The following LRCH2 variants were observed in gnomAD, a reference collection of about 807,000 sequenced individuals.
LRCH2 encodes leucine rich repeats and calponin homology domain containing 2, also known as leucine-rich repeat and calponin homology domain-containing protein 2.
In LRCH2, 38 loss-of-function variants were observed where a neutral mutation model predicts 68.9. The observed-to-expected ratio is 0.55, with a 90% CI of 0.43 to 0.72. LRCH2 has a LOEUF of 0.72. Ranked by LOEUF, LRCH2 falls within the 30% of genes least tolerant of loss-of-function variation. The pLI, the probability that LRCH2 is intolerant of heterozygous loss-of-function variation, is 0.00. For synonymous variants in LRCH2, 191 were observed against 208.1 expected (o/e 0.92, Z 0.71); for missense variants, 528 against 572.9 (o/e 0.92, Z 0.80).
chrX:115,195,233 G>A (rs993557464), intron 1 of LRCH2, among the ~76,000 whole-genome samples: 27 of 108,522 alleles, frequency 2.5e-4, no homozygotes, highest in Admixed American at 1.9e-3. Context: ...GCAGTGAGCC[G>A]AGATCGTGCC....
chrX:115,170,154 G>T, intron 6 of LRCH2, 145 bp downstream of exon 6: 1 of 456,477 alleles, frequency 2.2e-6, no homozygotes, highest in Non-Finnish European at 3.3e-6. Flanking sequence ...ATTCTATGAT[G>T]GTGATATGTA....
intron 1 of LRCH2, among the ~76,000 whole-genome samples, chrX:115,223,444 ATTT>A (rs1202226845): frequency 8.7e-4 from 33 of 38,099 alleles, no homozygotes; most frequent in African/African-American, 1.9e-3. Flanking sequence ...TGAATATAGA[ATTT>A]TTTTTTTAAA....
At chrX:115,225,264 C>T (rs1327767714) in intron 1 of LRCH2, among the ~76,000 whole-genome samples, 1 of 111,330 alleles carries the variant, frequency 9.0e-6, no homozygotes, top group African/African-American at 3.3e-5. Context: ...CTACGGCTAG[C>T]CTTGGAGGAG....
intron 14 of LRCH2, 122 bp downstream of exon 14, chrX:115,149,700 GAAATC>G: frequency 2.3e-6 from 1 of 425,673 alleles, no homozygotes; most frequent in Non-Finnish European, 4.0e-6. Flanking sequence ...ATATATGTGA[GAAATC>G]AAAATAACAC....
chrX:115,133,500 T>C (rs1556530977), intron 14 of LRCH2, among the ~76,000 whole-genome samples: 1 of 112,158 alleles, frequency 8.9e-6, no homozygotes, highest in Admixed American at 9.5e-5. Flanking sequence ...AGTTTCAAAA[T>C]GTGCAGAAAA....
intron 6 of LRCH2, among the ~76,000 whole-genome samples, chrX:115,166,765 T>C (rs1556545254): frequency 9.0e-6 from 1 of 110,814 alleles, no homozygotes; most frequent in Non-Finnish European, 1.9e-5. Context: ...ATAATGCCCA[T>C]CTAATAAAGA....
rs782632821 is a variant in LRCH2 at position 115,190,030 on chromosome X, C to T, written c.350-1660G>A. 172 of 1,156,596 alleles carry T rather than the reference C, an allele frequency of 1.5e-4. No homozygotes were observed. The African/African-American group carries it at 1.7e-3, about 12-fold the overall frequency. ...AGATGGCTACTCAGGCTTGCAGCCA[C>T]GGCGCTGGGCCGGCCCACCCCACAA... On this transcript the variant is annotated intron_variant, in intron 1 of 20. Coordinates refer to ENST00000317135, the MANE Select transcript of LRCH2 (RefSeq NM_020871.4).
chrX:115,175,572 G>A (rs183385246), intron 5 of LRCH2, among the ~76,000 whole-genome samples: 8 of 111,998 alleles, frequency 7.1e-5, no homozygotes, highest in African/African-American at 2.6e-4. Flanking sequence ...GAATTGAATC[G>A]AAGCATAAAG....
At position 115,156,812 on chromosome X, in the gene LRCH2, C is replaced by T. The variant is rs183833631; in HGVS notation, c.1464-145G>A. On this transcript the variant is annotated intron_variant, in intron 11 of 20. Coordinates refer to ENST00000317135, the MANE Select transcript of LRCH2 (RefSeq NM_020871.4). ...ATTTAAATATTATTTAGATCAGATGCCCATAAGTGTACTATTTTATAACAA... is the reference window on the plus strand; with the variant it reads ...ATTTAAATATTATTTAGATCAGATGTCCATAAGTGTACTATTTTATAACAA... The T allele has an allele frequency of 6.1e-4, 212 of 345,338 alleles. 2 individuals carry two copies. The East Asian group carries it at 0.01, about 17-fold the overall frequency. 28.5% of individuals were successfully genotyped at this position (345,338 alleles called of 1,213,427 possible). A position where few individuals can be genotyped will look rare whatever the true frequency, so the allele number is the denominator to read the frequency against.
chrX:115,175,908 G>A (rs1192653224), intron 5 of LRCH2, among the ~76,000 whole-genome samples: 3 of 111,907 alleles, frequency 2.7e-5, no homozygotes, highest in Admixed American at 9.5e-5. Context: ...CCTGAGGAGG[G>A]GGTCATGGGA....
At chrX:115,222,404 A>C (rs1294875158) in intron 1 of LRCH2, among the ~76,000 whole-genome samples, 2 of 112,079 alleles carry the variant, frequency 1.8e-5, no homozygotes, top group Non-Finnish European at 3.8e-5. Context: ...AGAAGTTCTA[A>C]CGGGGACAAT....
At chrX:115,141,637 G>GGGTGGATCACTTGAGGTC (rs2072339677) in intron 14 of LRCH2, among the ~76,000 whole-genome samples, 1 of 109,848 alleles carries the variant, frequency 9.1e-6, no homozygotes, top group Admixed American at 9.8e-5. Context: ...AGGCCGAGGG[G>GGGTGGATCACTTGAGGTC]GGTGGATCAC....
In LRCH2 at chrX:115,113,299, G is replaced by T; in HGVS notation, c.2215C>A (p.Arg739=). The T allele has an allele frequency of 8.4e-7, 1 of 1,194,156 alleles. No homozygotes were observed. Among genetic ancestry groups the T allele is most frequent in the Non-Finnish European group, 1.1e-6 (1 of 884,834 alleles). The part of the protein sequence containing the change: ...LCLPHHILEE[R]GLVKVGVTVQ... ...GTGACACCAACTTTCACAAGTCCTC[G>T]TTCTTCCAAAATATGATGAGGCAAA... is the stretch of plus-strand genomic sequence containing the variant. The change falls in exon 21 of 21, where the codon CGA becomes AGA. Residue 739 remains arginine (R), a synonymous_variant. Transcript: ENST00000317135.
chrX:115,179,581 ATAAT>A lies in LRCH2; in HGVS notation c.728-22_728-19del, dbSNP rs1556551831. ...TCCTAATTCTGGTCAGAAATGAAAA[ATAAT>A]TAATTAAATTTTACATAGTTACTCT... On this transcript the variant is annotated intron_variant, in intron 4 of 20. Coordinates refer to ENST00000317135, the MANE Select transcript of LRCH2 (RefSeq NM_020871.4). 2 of 1,100,993 alleles carry A rather than the reference ATAAT, an allele frequency of 1.8e-6. No homozygotes were observed. The highest frequency in any genetic ancestry group is 2.4e-6 in the Non-Finnish European group (2 of 842,743). The allele number at this position is 1,100,993 out of a possible 1,213,427, so 90.7% of individuals were successfully genotyped here. A position where few individuals can be genotyped will look rare whatever the true frequency, so the allele number is the denominator to read the frequency against.
At chrX:115,114,859 G>A (rs1225923744) in intron 20 of LRCH2, among the ~76,000 whole-genome samples, 2 of 110,373 alleles carry the variant, frequency 1.8e-5, no homozygotes, top group Non-Finnish European at 3.8e-5. Flanking sequence ...AGTTCTGCAA[G>A]GTTGCAGAAT....
At chrX:115,155,706 A>C (rs1468956345) in intron 12 of LRCH2, among the ~76,000 whole-genome samples, 2 of 111,878 alleles carry the variant, frequency 1.8e-5, no homozygotes, top group Non-Finnish European at 3.8e-5. Flanking sequence ...TCCTTACAGT[A>C]ACCATGAGGT....
At chrX:115,175,042 C>T (rs1199716059) in intron 5 of LRCH2, among the ~76,000 whole-genome samples, 1 of 111,774 alleles carries the variant, frequency 8.9e-6, no homozygotes, top group Non-Finnish European at 1.9e-5. Context: ...AATTGTGCCT[C>T]CACAACGAAG....
At chrX:115,161,654 AT>A (rs1468876630) in intron 11 of LRCH2, among the ~76,000 whole-genome samples, 3 of 111,220 alleles carry the variant, frequency 2.7e-5, no homozygotes, top group African/African-American at 9.8e-5. Flanking sequence ...TCAATCAAAA[AT>A]ATTATGTATT....
chrX:115,190,196 T>C, intron 1 of LRCH2: 1 of 1,166,726 alleles, frequency 8.6e-7, no homozygotes, highest in Non-Finnish European at 1.1e-6. Context: ...CCTGGGGATT[T>C]TGTCCCTGCG....
Sources: gnomAD v4.1 joint callset for allele counts (sites outside exome capture counted in the v4.1 genomes callset) on GRCh38, gnomAD v4.1.1 for gene constraint, MANE v1.5 for transcripts, NCBI Gene and HGNC (gene_info 2026-07-23, HGNC 2026-07-21) for gene names.